Variants in SCARB1 observed in about 807,000 individuals in gnomAD.
The protein encoded by SCARB1 is CD36 and LIMPII analogous 1.
In SCARB1, 30 loss-of-function variants were observed where a neutral mutation model predicts 57.2. That is an observed-to-expected ratio of 0.52 (90% CI 0.39 to 0.71). SCARB1 has a LOEUF of 0.71. Ranked by LOEUF, SCARB1 falls within the 30% of genes least tolerant of loss-of-function variation. SCARB1 has a pLI of 0.00. For missense variants in SCARB1, 543 were observed against 671.2 expected (o/e 0.81, Z 2.11); for synonymous variants, 249 against 268.3 (o/e 0.93, Z 0.70).
At chr12:124,786,295 C>CCT (rs1594186488) in intron 11 of SCARB1, 62 bp downstream of exon 11, 1 of 1,606,716 alleles carries the variant, frequency 6.2e-7, no homozygotes, top group South Asian at 1.1e-5. Context: ...ATCTGAGGCC[C>CCT]CTTTCCCCCA....
chr12:124,857,251 A>G (rs940877356), intron 1 of SCARB1, among the ~76,000 whole-genome samples: 1 of 152,188 alleles, frequency 6.6e-6, no homozygotes, highest in African/African-American at 2.4e-5. Flanking sequence ...ATTTCCCTCA[A>G]TAAAATAAGA....
chr12:124,807,971 G>A lies in SCARB1; in HGVS notation c.843-44C>T, dbSNP rs753037477. ...ATGAGAGGGGACACCCAGACCCGGC[G>A]GCCAGAGCCAGGCCCTGCCAAAGGC... On this transcript the variant is annotated intron_variant, in intron 6 of 12. Coordinates refer to ENST00000261693, the MANE Select transcript of SCARB1 (RefSeq NM_005505.5). The surrounding 1 kb of genome is among the most constrained non-coding windows in gnomAD (Gnocchi z 5.3). The A allele has an allele frequency of 8.1e-6, 13 of 1,602,118 alleles. No homozygotes were observed. The highest frequency in any genetic ancestry group is 7.7e-5 in the South Asian group (7 of 90,806).
At chr12:124,827,301 G>A (rs1951198816) in intron 1 of SCARB1, among the ~76,000 whole-genome samples, 1 of 152,208 alleles carries the variant, frequency 6.6e-6, no homozygotes. Context: ...TAAGTGTGAG[G>A]AACGTGACTG....
rs992335292 is a variant in SCARB1, at chr12:124,822,824, G to C, written c.127-5117C>G. Reference sequence around the variant, plus strand: ...GATCACTTGAGCCCAGGAGTTCAAGGCTGCAGTGAGCCGTGATCATGTGCC... The same window carrying C: ...GATCACTTGAGCCCAGGAGTTCAAGCCTGCAGTGAGCCGTGATCATGTGCC... On this transcript the variant is annotated intron_variant, in intron 1 of 12. Transcript: ENST00000261693. The surrounding 1 kb of genome is among the most constrained non-coding windows in gnomAD (Gnocchi z 5.0). Among the ~76,000 whole-genome samples the C allele has an allele frequency of 2.0e-5, 3 of 152,232 alleles. No individual in the cohort carries two copies. The highest frequency in any genetic ancestry group is 1.9e-4 in the East Asian group (1 of 5,186).
intron 1 of SCARB1, among the ~76,000 whole-genome samples, chr12:124,841,026 G>A (rs1951885476): frequency 6.6e-6 from 1 of 152,074 alleles, no homozygotes; most frequent in Non-Finnish European, 1.5e-5. Flanking sequence ...AAAATTAGCC[G>A]AGTGTAGTGG....
rs996891770 is a variant in SCARB1, at chr12:124,863,640, GACAGCGCCCAGC to G, written c.69_80del (p.Leu24_Val27del). On this transcript the variant is annotated inframe_deletion, in exon 1 of 13. Transcript: ENST00000261693. ...TGAGCGACGGCACCATCACGATCAT[GACAGCGCCCAGC>G]ACAGCGCACAGTAGCCCCGCGACGC... 3.1e-6 allele frequency: 5 copies of G among 1,598,568 alleles called. No individual in the cohort carries two copies. In the African/African-American group the frequency reaches 6.8e-5, roughly 22 times the overall value.
In SCARB1 at chr12:124,810,127, C is replaced by T. The variant is rs1265376003; in HGVS notation, c.842+47G>A. 7.7e-7 allele frequency: 1 copy of T among 1,302,022 alleles called. No individual in the cohort carries two copies. The highest frequency in any genetic ancestry group is 2.3e-5 in the East Asian group (1 of 43,408). 80.7% of individuals were successfully genotyped at this position (1,302,022 alleles called of 1,614,324 possible). On this transcript the variant is annotated intron_variant, in intron 6 of 12. Transcript: ENST00000261693. The surrounding 1 kb of genome is among the most constrained non-coding windows in gnomAD (Gnocchi z 4.0). ...CACAGCCAACACCACAGAATTTGGCCATGAGCTACCCAGGAAACCCAGGAG... is the reference window on the plus strand; with the variant it reads ...CACAGCCAACACCACAGAATTTGGCTATGAGCTACCCAGGAAACCCAGGAG...
Position 124,811,860 on chromosome 12 carries a change from C to T in SCARB1, c.726+10G>A, listed in dbSNP as rs372960506. 2.6e-5 allele frequency: 42 copies of T among 1,602,816 alleles called. No homozygotes were observed. The highest frequency in any genetic ancestry group is 6.8e-5 in the East Asian group (3 of 44,178). ...CCTGGCGACAGGGGCCCTCGCCTCT[C>T]GCCCCTCACCTTGCTCAGCCCGTTC... On this transcript the variant is annotated intron_variant, in intron 5 of 12. Coordinates refer to ENST00000261693, the MANE Select transcript of SCARB1 (RefSeq NM_005505.5).
intron 1 of SCARB1, among the ~76,000 whole-genome samples, chr12:124,859,357 C>A (rs1197121799): frequency 6.6e-6 from 1 of 151,984 alleles, no homozygotes; most frequent in Non-Finnish European, 1.5e-5. Context: ...GAAACCCCAT[C>A]TCTACTAAAA....
chr12:124,821,889 T>C (rs756736820), intron 1 of SCARB1, among the ~76,000 whole-genome samples: 2 of 152,194 alleles, frequency 1.3e-5, no homozygotes, highest in Non-Finnish European at 2.9e-5. Flanking sequence ...GCTGATTAGA[T>C]AACAGTGGTG....
rs747407511 is a variant in SCARB1, at chr12:124,855,519, G to C, written c.126+8076C>G. 4.6e-5 allele frequency among the ~76,000 whole-genome samples: 7 copies of C among 152,306 alleles called. No individual in the cohort carries two copies. In the South Asian group the frequency reaches 1.4e-3, roughly 32 times the overall value. On this transcript the variant is annotated intron_variant, in intron 1 of 12. Transcript: ENST00000261693. Reference sequence around the variant, plus strand: ...GACAGCTCCAGCCTGGCCACTTGTGGGCCAGCAGAGCTCAAGGTCATGTCC... The same window carrying C: ...GACAGCTCCAGCCTGGCCACTTGTGCGCCAGCAGAGCTCAAGGTCATGTCC...
intron 6 of SCARB1, among the ~76,000 whole-genome samples, 155 bp from the exon 7 acceptor site, chr12:124,808,082 G>C (rs1331696499): frequency 1.3e-5 from 2 of 152,186 alleles, no homozygotes; most frequent in East Asian, 3.9e-4. Flanking sequence ...GAGCTGCAGC[G>C]ACCTCCTAAC....
At chr12:124,835,398 C>G (rs1166568316) in intron 1 of SCARB1, among the ~76,000 whole-genome samples, 1 of 151,984 alleles carries the variant, frequency 6.6e-6, no homozygotes, top group African/African-American at 2.4e-5. Flanking sequence ...GCTGGGACCA[C>G]AGCAGCTTCT....
intron 7 of SCARB1, among the ~76,000 whole-genome samples, chr12:124,805,725 ATTTTTTTTTT>A (rs755476758): frequency 1.3e-5 from 1 of 79,590 alleles, no homozygotes; most frequent in Middle Eastern, 7.8e-3. Flanking sequence ...TGCCTAGCTA[ATTTTTTTTTT>A]TTTTTTTTTT....
intron 1 of SCARB1, chr12:124,821,250 A>ACACACG (rs1950945321): frequency 3.2e-6 from 1 of 314,582 alleles, no homozygotes; most frequent in Admixed American, 6.5e-5. Flanking sequence ...ACACACACAC[A>ACACACG]CACACACACG....
chr12:124,847,832 ACT>A (rs1469476730), intron 1 of SCARB1, among the ~76,000 whole-genome samples: 1 of 152,032 alleles, frequency 6.6e-6, no homozygotes, highest in Non-Finnish European at 1.5e-5. Context: ...CATCAGAAAC[ACT>A]CTGCTCCAAT....
At position 124,811,901 on chromosome 12, in the gene SCARB1, T is replaced by C. The variant is rs751606686; in HGVS notation, c.695A>G (p.His232Arg). 5 of 1,612,604 alleles carry C rather than the reference T, an allele frequency of 3.1e-6. No homozygotes were observed. The highest frequency in any genetic ancestry group is 4.2e-6 in the Non-Finnish European group (5 of 1,179,512). ...FTGVQNISRI[H>R]LVDKWNGLSK... The stretch of plus-strand genomic sequence containing the variant: ...CAGCCCGTTCCACTTGTCCACGAGG[T>C]GGATCCTGCTGATGTTCTGGACCCC... Residue 232 changes from histidine (H) to arginine (R), a missense_variant, in exon 5 of 13, where the codon CAC becomes CGC. Physicochemically the swap from His to Arg is conservative, Grantham distance 29. Transcript: ENST00000261693.
At chr12:124,858,176 C>T (rs117764514) in intron 1 of SCARB1, among the ~76,000 whole-genome samples, 27 of 152,356 alleles carry the variant, frequency 1.8e-4, no homozygotes, top group East Asian at 5.8e-4. Context: ...CACACATGCA[C>T]GCACACACAT....
intron 1 of SCARB1, among the ~76,000 whole-genome samples, chr12:124,836,998 A>T (rs1295640308): frequency 1.3e-5 from 2 of 152,128 alleles, no homozygotes; most frequent in African/African-American, 4.8e-5. Flanking sequence ...GCAAGTAAGG[A>T]GCTCAGACCA....
Sources: gnomAD v4.1 joint callset for allele counts (sites outside exome capture counted in the v4.1 genomes callset) on GRCh38, gnomAD v4.1.1 for gene constraint, Gnocchi (gnomAD v3.1) non-coding constraint, MANE v1.5 for transcripts, NCBI Gene and HGNC (gene_info 2026-07-23, HGNC 2026-07-21) for gene names.